Variants in CSMD3 observed in about 807,000 individuals in gnomAD.
The protein encoded by CSMD3 is CUB and sushi domain-containing protein 3.
In CSMD3, 177 loss-of-function variants were observed where a neutral mutation model predicts 435.2. The observed-to-expected ratio is 0.41, with a 90% CI of 0.36 to 0.46. The LOEUF (loss-of-function observed/expected upper bound fraction) is 0.46. Ranked by LOEUF, CSMD3 falls within the 20% of genes least tolerant of loss-of-function variation. The probability of loss-of-function intolerance (pLI) is 0.34; values close to 1 mark genes in which losing one functional copy is unlikely to be tolerated. For missense variants in CSMD3, 4,265 were observed against 4,504.6 expected (o/e 0.95, Z 1.52); for synonymous variants, 1,656 against 1,520.5 (o/e 1.09, Z -2.07).
chr8:113,349,748 T>C (rs1325495406), intron 1 of CSMD3, among the ~76,000 whole-genome samples: 1 of 152,092 alleles, frequency 6.6e-6, no homozygotes, highest in African/African-American at 2.4e-5. Flanking sequence ...AAGGAGAATA[T>C]CTACTTTCAG....
At chr8:112,951,118 C>A (rs572432400) in intron 8 of CSMD3, among the ~76,000 whole-genome samples, 16 of 151,854 alleles carry the variant, frequency 1.1e-4, no homozygotes, top group East Asian at 5.8e-4. Flanking sequence ...AAAAAAAGTG[C>A]AATCTATCTT....
chr8:113,430,674 A>C (rs1403751901), intron 1 of CSMD3, among the ~76,000 whole-genome samples: 3 of 152,244 alleles, frequency 2.0e-5, no homozygotes, highest in Non-Finnish European at 4.4e-5. Context: ...GTTGGAGAAC[A>C]CTTTGAAAAT....
chr8:113,405,781 C>A (rs1452612675), intron 1 of CSMD3, among the ~76,000 whole-genome samples: 1 of 151,522 alleles, frequency 6.6e-6, no homozygotes, highest in Admixed American at 6.6e-5. Context: ...TCAAAGCTGG[C>A]AAATGAGAAA....
chr8:112,803,854 G>C (rs560674014), intron 12 of CSMD3, among the ~76,000 whole-genome samples: 1 of 152,038 alleles, frequency 6.6e-6, no homozygotes, highest in East Asian at 1.9e-4. Flanking sequence ...TTACAGTCCC[G>C]GGCATGGAGA....
chr8:113,022,713 C>A (rs191497770), intron 5 of CSMD3, among the ~76,000 whole-genome samples: 1 of 151,584 alleles, frequency 6.6e-6, no homozygotes, highest in African/African-American at 2.4e-5. Flanking sequence ...ACATTTGTTC[C>A]CTAATACTCT....
Position 112,329,982 on chromosome 8 carries a change from C to T in CSMD3, c.7165+5347G>A, listed in dbSNP as rs538936381. On this transcript the variant is annotated intron_variant, in intron 45 of 70. Coordinates refer to ENST00000297405, the MANE Select transcript of CSMD3 (RefSeq NM_198123.2). ...CATTATTACACGATGTCCATACCCCCGTTCTCTCTGGACATCAAATAATAA... is the reference window on the plus strand; with the variant it reads ...CATTATTACACGATGTCCATACCCCTGTTCTCTCTGGACATCAAATAATAA... Among the ~76,000 whole-genome samples, 9 of 152,116 alleles carry T rather than the reference C, an allele frequency of 5.9e-5. No homozygotes were observed. The East Asian group carries it at 9.7e-4, about 16-fold the overall frequency.
chr8:112,234,384 T>C lies in CSMD3; in HGVS notation c.10721A>G (p.Asn3574Ser), dbSNP rs761536723. ...HASVKKMKEE[N>S]WAMDGFVSAE... ...ACTTACAAAGCCATCCATTGCCCAATTTTCTTCCTTCATTTTCTTCACAGA... is the reference window on the plus strand; with the variant it reads ...ACTTACAAAGCCATCCATTGCCCAACTTTCTTCCTTCATTTTCTTCACAGA... Residue 3574 changes from asparagine (N) to serine (S), a missense_variant, in exon 68 of 71, where the codon AAT becomes AGT. Physicochemically the swap from Asn to Ser is conservative, Grantham distance 46. Around this residue, in one of 3 missense-constraint regions of CSMD3, gnomAD observed 3,255 missense variants for 3,380.2 expected, o/e 0.96. Coordinates refer to ENST00000297405, the MANE Select transcript of CSMD3 (RefSeq NM_198123.2). 2 of 1,608,270 alleles carry C rather than the reference T, an allele frequency of 1.2e-6. No individual in the cohort carries two copies.
intron 63 of CSMD3, among the ~76,000 whole-genome samples, chr8:112,253,676 GAAC>G (rs1760282800): frequency 6.6e-6 from 1 of 151,970 alleles, no homozygotes; most frequent in African/African-American, 2.4e-5. Context: ...GAAAAAGAGA[GAAC>G]AAGAAAGTCA....
intron 28 of CSMD3, among the ~76,000 whole-genome samples, chr8:112,509,724 A>C (rs930323756): frequency 9.9e-5 from 15 of 151,996 alleles, no homozygotes; most frequent in African/African-American, 3.1e-4. Context: ...AACTTTGGTG[A>C]TCTCCTAAGT....
intron 63 of CSMD3, among the ~76,000 whole-genome samples, chr8:112,252,028 C>T (rs2130226794): frequency 6.6e-6 from 1 of 151,454 alleles, no homozygotes; most frequent in South Asian, 2.1e-4. Flanking sequence ...TATTGATGTC[C>T]CAAAATCTAC....
rs549630999 is a variant in CSMD3 at position 113,202,707 on chromosome 8, T to C, written c.515-28791A>G. Among the ~76,000 whole-genome samples, 16 of 152,278 alleles carry C rather than the reference T, an allele frequency of 1.1e-4. No homozygotes were observed. The East Asian group carries it at 1.4e-3, about 13-fold the overall frequency. ...CTTATGTAGTTCAGGCACACTGAAA[T>C]AGATGAATTATCTTTGGTTCAAACT... On this transcript the variant is annotated intron_variant, in intron 3 of 70. Coordinates refer to ENST00000297405, the MANE Select transcript of CSMD3 (RefSeq NM_198123.2).
chr8:113,423,760 C>T (rs1246016951), intron 1 of CSMD3, among the ~76,000 whole-genome samples: 1 of 151,754 alleles, frequency 6.6e-6, no homozygotes, highest in Non-Finnish European at 1.5e-5. Flanking sequence ...GTTGAAAATT[C>T]ACCCTGAAAC....
intron 58 of CSMD3, among the ~76,000 whole-genome samples, chr8:112,281,821 A>G (rs1254863764): frequency 1.3e-5 from 2 of 152,192 alleles, no homozygotes; most frequent in African/African-American, 4.8e-5. Context: ...TTTTGTTTGT[A>G]TAAGTACATA....
At chr8:112,900,684 A>G (rs2082088912) in intron 10 of CSMD3, among the ~76,000 whole-genome samples, 1 of 151,256 alleles carries the variant, frequency 6.6e-6, no homozygotes, top group African/African-American at 2.4e-5. Flanking sequence ...GTCCATAACA[A>G]ATTTGTTTAT....
chr8:112,426,844 T>C (rs1813117954), intron 32 of CSMD3, among the ~76,000 whole-genome samples: 2 of 152,246 alleles, frequency 1.3e-5, no homozygotes, highest in Admixed American at 1.3e-4. Context: ...ACTCCAATTA[T>C]GTACAAAAAA....
In CSMD3 at chr8:113,007,976, T is replaced by C. The variant is rs1384401666; in HGVS notation, c.1030+11091A>G. Reference sequence around the variant, plus strand: ...AAATTATATATAAAGAAATGAGAAATATTCATTCCATTTCTTAAATATCTC... The same window carrying C: ...AAATTATATATAAAGAAATGAGAAACATTCATTCCATTTCTTAAATATCTC... On this transcript the variant is annotated intron_variant, in intron 6 of 70. Transcript: ENST00000297405. 2.0e-5 allele frequency among the ~76,000 whole-genome samples: 3 copies of C among 151,812 alleles called. No individual in the cohort carries two copies. The East Asian group carries it at 5.8e-4, about 29-fold the overall frequency.
At chr8:112,352,267 G>T in intron 39 of CSMD3, 149 bp downstream of exon 39, 1 of 1,166,906 alleles carries the variant, frequency 8.6e-7, no homozygotes, top group Non-Finnish European at 1.2e-6. Flanking sequence ...TTTCTCATGT[G>T]CATATTTTAT....
chr8:112,737,583 G>A (rs1474537411), intron 13 of CSMD3, among the ~76,000 whole-genome samples: 1 of 151,886 alleles, frequency 6.6e-6, no homozygotes, highest in East Asian at 1.9e-4. Context: ...TGCCCATTGT[G>A]TGATTGGAGT....
At chr8:112,308,897 A>G (rs1156502869) in intron 50 of CSMD3, among the ~76,000 whole-genome samples, 2 of 152,082 alleles carry the variant, frequency 1.3e-5, no homozygotes, top group East Asian at 3.8e-4. Flanking sequence ...ACAAGTTGAA[A>G]TAAAAGGTGC....
Sources: allele counts gnomAD v4.1 joint callset (sites outside exome capture counted in the v4.1 genomes callset), GRCh38; gene constraint gnomAD v4.1.1; regional missense constraint gnomAD v4.1.1; transcripts MANE v1.5; gene names NCBI Gene and HGNC (gene_info 2026-07-23, HGNC 2026-07-21).